PIP4K2A: variants seen among roughly 807,000 people sequenced by gnomAD.
PIP4K2A encodes phosphatidylinositol 5-phosphate 4-kinase type-2 alpha.
PIP4K2A carries 14 observed loss-of-function variants against 42.9 expected under a neutral mutation model. That is an observed-to-expected ratio of 0.33 (90% CI 0.22 to 0.51). The LOEUF is 0.51. Among genes scored for constraint, PIP4K2A ranks in the 20% least tolerant of loss-of-function variants. The pLI, the probability that PIP4K2A is intolerant of heterozygous loss-of-function variation, is 0.97. For synonymous variants in PIP4K2A, 192 were observed against 192.2 expected (o/e 1.00, Z 0.01); for missense variants, 434 against 519.8 (o/e 0.83, Z 1.61).
intron 1 of PIP4K2A, among the ~76,000 whole-genome samples, chr10:22,643,164 C>G (rs1172895473): frequency 1.3e-5 from 2 of 152,126 alleles, no homozygotes; most frequent in African/African-American, 4.8e-5. Flanking sequence ...AAGTCTCGGG[C>G]CCCTTCTTCC....
intron 6 of PIP4K2A, among the ~76,000 whole-genome samples, chr10:22,555,759 T>TAAA (rs542246485): frequency 7.0e-6 from 1 of 143,428 alleles, no homozygotes; most frequent in Non-Finnish European, 1.5e-5. Flanking sequence ...CCTGGATAAT[T>TAAA]AAAAAAAAAA....
At chr10:22,676,174 T>C (rs1184087257) in intron 1 of PIP4K2A, among the ~76,000 whole-genome samples, 1 of 152,136 alleles carries the variant, frequency 6.6e-6, no homozygotes, top group African/African-American at 2.4e-5. Context: ...TCAAAAACTG[T>C]GGTCCCAGTA....
intron 7 of PIP4K2A, among the ~76,000 whole-genome samples, chr10:22,544,793 C>T (rs1030625709): frequency 6.6e-6 from 1 of 152,198 alleles, no homozygotes; most frequent in Non-Finnish European, 1.5e-5. Context: ...TTGGCCCCAT[C>T]CACTTCTGGG....
At chr10:22,599,348 C>T (rs1837700192) in intron 3 of PIP4K2A, among the ~76,000 whole-genome samples, 1 of 152,222 alleles carries the variant, frequency 6.6e-6, no homozygotes, top group South Asian at 2.1e-4. Flanking sequence ...AGAAAGGCCA[C>T]TGATCTTTGT....
At chr10:22,575,334 C>T (rs1412646080) in intron 4 of PIP4K2A, among the ~76,000 whole-genome samples, 1 of 152,136 alleles carries the variant, frequency 6.6e-6, no homozygotes, top group Non-Finnish European at 1.5e-5. Context: ...ACAGTCCCTG[C>T]CCCAGGGGAC....
rs1158631609 is a variant in PIP4K2A, at chr10:22,544,234, C to G, written c.793-2187G>C. Among the ~76,000 whole-genome samples the G allele has an allele frequency of 2.0e-5, 3 of 151,954 alleles. No homozygotes were observed. The East Asian group carries it at 5.8e-4, about 29-fold the overall frequency. Reference sequence around the variant, plus strand: ...GGAACCTGCTTTCCCGTCAGAATGACCTGTGGGCCTGGGGTTTCAGAAGCC... The same window carrying G: ...GGAACCTGCTTTCCCGTCAGAATGAGCTGTGGGCCTGGGGTTTCAGAAGCC... On this transcript the variant is annotated intron_variant, in intron 7 of 9. Transcript: ENST00000376573.
chr10:22,586,412 G>A (rs531533573), intron 4 of PIP4K2A, among the ~76,000 whole-genome samples: 21 of 152,322 alleles, frequency 1.4e-4, no homozygotes, highest in Middle Eastern at 3.4e-3. Flanking sequence ...AGGCCCCCTA[G>A]TGGATTAAAA....
chr10:22,640,501 C>CT (rs1350101069), intron 1 of PIP4K2A, among the ~76,000 whole-genome samples: 1 of 152,146 alleles, frequency 6.6e-6, no homozygotes, highest in East Asian at 1.9e-4. Flanking sequence ...GGAAAACAGG[C>CT]TGGCCAAGAC....
intron 1 of PIP4K2A, among the ~76,000 whole-genome samples, chr10:22,703,061 C>T (rs1833744995): frequency 6.6e-6 from 1 of 152,136 alleles, no homozygotes; most frequent in African/African-American, 2.4e-5. Flanking sequence ...TCTGAGAAGG[C>T]AACCCCTTAG....
intron 1 of PIP4K2A, chr10:22,659,784 G>T (rs1839168129): frequency 6.6e-6 from 1 of 152,068 alleles, no homozygotes; most frequent in African/African-American, 2.4e-5. Flanking sequence ...TCCAGCTTGG[G>T]CGACAGAACA....
intron 6 of PIP4K2A, among the ~76,000 whole-genome samples, chr10:22,558,034 G>A (rs1836595644): frequency 6.6e-6 from 1 of 152,130 alleles, no homozygotes. Context: ...TTTTTTGTTT[G>A]ATATGCTCAT....
At chr10:22,596,886 G>A (rs1003330371) in intron 3 of PIP4K2A, among the ~76,000 whole-genome samples, 17 of 152,218 alleles carry the variant, frequency 1.1e-4, no homozygotes, top group African/African-American at 9.6e-5. Flanking sequence ...TCCCCCTGCC[G>A]TGCTGCTTCC....
chr10:22,692,605 T>C (rs964418569), intron 1 of PIP4K2A, among the ~76,000 whole-genome samples: 5 of 152,198 alleles, frequency 3.3e-5, no homozygotes, highest in African/African-American at 9.6e-5. Flanking sequence ...TTCCTAGACG[T>C]TGTCTTTTCT....
chr10:22,623,868 C>T (rs57259109), intron 1 of PIP4K2A, among the ~76,000 whole-genome samples: 5 of 152,244 alleles, frequency 3.3e-5, no homozygotes, highest in East Asian at 1.9e-4. Flanking sequence ...CCAGGGTTCT[C>T]GCTATCAGTC....
chr10:22,608,208 ATGTC>A (rs1292435225), intron 2 of PIP4K2A, among the ~76,000 whole-genome samples, 185 bp from the exon 3 acceptor site: 6 of 152,222 alleles, frequency 3.9e-5, no homozygotes, highest in African/African-American at 1.4e-4. Flanking sequence ...GGCCAGACGG[ATGTC>A]TGTCTGTCTC....
intron 7 of PIP4K2A, among the ~76,000 whole-genome samples, chr10:22,543,365 C>G (rs1235386839): frequency 2.6e-5 from 4 of 152,198 alleles, no homozygotes; most frequent in African/African-American, 9.7e-5. Flanking sequence ...CCAGCTATAT[C>G]TTCCCCAATT....
At chr10:22,553,753 C>T (rs952802943) in intron 6 of PIP4K2A, among the ~76,000 whole-genome samples, 3 of 149,738 alleles carry the variant, frequency 2.0e-5, no homozygotes, top group Non-Finnish European at 3.0e-5. Flanking sequence ...TTTAATAAAG[C>T]GCACAGACTT....
chr10:22,567,710 G>T, intron 6 of PIP4K2A, 141 bp downstream of exon 6: 1 of 795,866 alleles, frequency 1.3e-6, no homozygotes, highest in Non-Finnish European at 2.3e-6. Context: ...TCAATACAGT[G>T]TTTCTCGCTG....
At chr10:22,567,467 G>T (rs529146241) in intron 6 of PIP4K2A, 12 of 417,886 alleles carry the variant, frequency 2.9e-5, no homozygotes, top group African/African-American at 2.0e-4. Context: ...ATGTATTCAG[G>T]GTCACATTCG....
Sources: allele counts gnomAD v4.1 joint callset (sites outside exome capture counted in the v4.1 genomes callset), GRCh38; gene constraint gnomAD v4.1.1; transcripts MANE v1.5; gene names NCBI Gene and HGNC (gene_info 2026-07-23, HGNC 2026-07-21).